FREM2: variants seen among roughly 807,000 people sequenced by gnomAD.
The protein encoded by FREM2 is FRAS1 related extracellular matrix 2, also known as FRAS1-related extracellular matrix protein 2.
FREM2 carries 119 observed loss-of-function variants against 219.9 expected under a neutral mutation model. The observed-to-expected ratio is 0.54, with a 90% CI of 0.47 to 0.63. The LOEUF (loss-of-function observed/expected upper bound fraction) is 0.63. Ranked by LOEUF, FREM2 falls within the 30% of genes least tolerant of loss-of-function variation. The probability of loss-of-function intolerance (pLI) is 0.00; values close to 1 mark genes in which losing one functional copy is unlikely to be tolerated. For missense variants in FREM2, 4,030 were observed against 3,993.6 expected, an observed-to-expected ratio of 1.01 and a Z score of -0.25; for synonymous variants, 1,562 against 1,522.8, an observed-to-expected ratio of 1.03 and a Z score of -0.60.
At position 38,688,068 on chromosome 13, in the gene FREM2, G is replaced by C. The variant is rs772999478; in HGVS notation, c.724G>C (p.Gly242Arg). Residue 242 changes from glycine (G) to arginine (R), a missense_variant, in exon 1 of 24, where the codon GGA (glycine) becomes CGA (arginine). Physicochemically the swap from Gly to Arg is moderately radical, Grantham distance 125 (BLOSUM62 -2). Around this residue, in one of 2 missense-constraint regions of FREM2, gnomAD observed 3,102 missense variants for 2,950.7 expected, o/e 1.05. Transcript: ENST00000280481. ...ELLHYPQVPGGAREGGAPETL... is the reference protein window; with the variant it reads ...ELLHYPQVPGRAREGGAPETL... ...CCTCCACTACCCGCAGGTCCCTGGAGGAGCCAGAGAGGGAGGCGCCCCGGA... is the reference window on the plus strand; with the variant it reads ...CCTCCACTACCCGCAGGTCCCTGGACGAGCCAGAGAGGGAGGCGCCCCGGA... 1 of 1,609,118 alleles carries C rather than the reference G, an allele frequency of 6.2e-7. No individual in the cohort carries two copies. Among genetic ancestry groups the C allele is most frequent in the Non-Finnish European group, 8.5e-7 (1 of 1,176,174 alleles).
chr13:38,876,489 AT>A, intron 20 of FREM2, 107 bp downstream of exon 20: 1 of 946,824 alleles, frequency 1.1e-6, no homozygotes, highest in Non-Finnish European at 1.6e-6. Context: ...TAATTCTTGC[AT>A]GCTGAAAAGA....
chr13:38,717,038 GA>G (rs1228447784), intron 2 of FREM2, among the ~76,000 whole-genome samples: 1 of 152,202 alleles, frequency 6.6e-6, no homozygotes, highest in African/African-American at 2.4e-5. Flanking sequence ...GACTAACCGT[GA>G]AGCAGAAACT....
intron 3 of FREM2, among the ~76,000 whole-genome samples, chr13:38,765,146 G>A (rs927842460): frequency 6.6e-6 from 1 of 152,218 alleles, no homozygotes; most frequent in South Asian, 2.1e-4. Context: ...TCCTGACCTC[G>A]TAATCTGCCC....
Position 38,813,101 on chromosome 13 carries a change from A to G in FREM2, c.6019+28293A>G, listed in dbSNP as rs9603436. On this transcript the variant is annotated intron_variant, in intron 6 of 23. Coordinates refer to ENST00000280481, the MANE Select transcript of FREM2 (RefSeq NM_207361.6). The stretch of plus-strand genomic sequence containing the variant: ...CTTGAGAGAAGTTTATAACACCACA[A>G]TTACAGTGTTATACTATTCTGTGTT... Among the ~76,000 whole-genome samples the G allele has an allele frequency of 5.2e-3, 790 of 152,116 alleles. 3 individuals carry two copies. The highest frequency in any genetic ancestry group is 0.018 in the African/African-American group (754 of 41,512).
At position 38,880,485 on chromosome 13, in the gene FREM2, A is replaced by C. The variant is rs746963519; in HGVS notation, c.9208A>C (p.Ser3070Arg). The C allele has an allele frequency of 6.2e-7, 1 of 1,614,128 alleles. No homozygotes were observed. The highest frequency in any genetic ancestry group is 1.7e-5 in the Admixed American group (1 of 60,018). The change falls in exon 24 of 24, where the codon AGT becomes CGT. Residue 3070 changes from serine (S) to arginine (R), a missense_variant. Physicochemically the swap from Ser to Arg is moderately radical, Grantham distance 110. Transcript: ENST00000280481. Reference protein sequence around the residue: ...SLAWEIGAENSRGTNIQHIAL... With the variant: ...SLAWEIGAENRRGTNIQHIAL... ...GGCATGGGAGATTGGTGCTGAAAAC[A>C]GTCGAGGAACAAACATCCAGCACAT... is the stretch of plus-strand genomic sequence containing the variant.
At chr13:38,705,090 T>C (rs1180537848) in intron 2 of FREM2, among the ~76,000 whole-genome samples, 1 of 152,136 alleles carries the variant, frequency 6.6e-6, no homozygotes, top group Non-Finnish European at 1.5e-5. Flanking sequence ...TGTGTTCCAA[T>C]TTGTGTTTTA....
rs763968552 is a variant in FREM2, at chr13:38,690,294, C to T, written c.2950C>T (p.Leu984Phe). 1.2e-6 allele frequency: 2 copies of T among 1,614,074 alleles called. No homozygotes were observed. The highest frequency in any genetic ancestry group is 1.7e-6 in the Non-Finnish European group (2 of 1,180,040). The change falls in exon 1 of 24, where the codon CTC (leucine) becomes TTC (phenylalanine). Residue 984 changes from leucine to phenylalanine, a missense_variant. This residue lies in a region of FREM2 where 3,102 missense variants were observed against 2,950.7 expected (regional missense o/e 1.05). Coordinates refer to ENST00000280481, the MANE Select transcript of FREM2 (RefSeq NM_207361.6). ...AACTGATGACTTGATGTTGACTTTC[C>T]TCTTGGAAGATCCACCTTTGTATGG... ...EETDDLMLTF[L>F]LEDPPLYGEI... is the part of the protein sequence containing the mutation.
intron 16 of FREM2, among the ~76,000 whole-genome samples, chr13:38,870,683 A>C (rs916112472): frequency 1.3e-5 from 2 of 152,164 alleles, no homozygotes; most frequent in Non-Finnish European, 2.9e-5. Context: ...GGGTACTAAG[A>C]AAATGCAATG....
chr13:38,811,957 T>G (rs1402004939), intron 6 of FREM2, among the ~76,000 whole-genome samples: 1 of 152,170 alleles, frequency 6.6e-6, no homozygotes, highest in Admixed American at 6.6e-5. Context: ...AATGCTTACT[T>G]TATATATCTG....
At chr13:38,866,607 T>C (rs1182966497) in intron 16 of FREM2, among the ~76,000 whole-genome samples, 2 of 144,586 alleles carry the variant, frequency 1.4e-5, no homozygotes, top group African/African-American at 5.2e-5. Context: ...GCGGAGGTTG[T>C]GGTGAGCCGA....
intron 2 of FREM2, among the ~76,000 whole-genome samples, chr13:38,743,912 T>C (rs957401017): frequency 6.6e-6 from 1 of 152,168 alleles, no homozygotes; most frequent in Non-Finnish European, 1.5e-5. Flanking sequence ...ATGTATACAT[T>C]ATATATATGT....
intron 6 of FREM2, among the ~76,000 whole-genome samples, chr13:38,791,677 T>C (rs1874567913): frequency 6.6e-6 from 1 of 152,142 alleles, no homozygotes; most frequent in African/African-American, 2.4e-5. Context: ...ATAGGGGAAC[T>C]GCCCCCATGA....
intron 18 of FREM2, 48 bp downstream of exon 18, chr13:38,874,634 T>C (rs1593458264): frequency 1.4e-6 from 2 of 1,453,754 alleles, no homozygotes; most frequent in African/African-American, 2.8e-5. Flanking sequence ...AAAAAGGAGG[T>C]AGATTTTCCA....
Position 38,764,439 on chromosome 13 carries a change from C to A in FREM2, c.5399C>A (p.Thr1800Asn), listed in dbSNP as rs780363263. The A allele has an allele frequency of 1.9e-6, 3 of 1,552,570 alleles. No homozygotes were observed. Among genetic ancestry groups the A allele is most frequent in the Non-Finnish European group, 2.6e-6 (3 of 1,137,178 alleles). ...VLKRRGYLGE[T>N]SFISIGTRDR... Reference sequence around the variant, plus strand: ...AAACGTAGAGGTTACTTGGGAGAAACTTCTTTTATAAGTAAGTTTAATTTT... The same window carrying A: ...AAACGTAGAGGTTACTTGGGAGAAAATTCTTTTATAAGTAAGTTTAATTTT... Residue 1800 changes from threonine (T) to asparagine (N), a missense_variant, in exon 3 of 24, where the codon ACT becomes AAT. By Grantham distance (65) the Thr-to-Asn change is moderately conservative. Around this residue, in one of 2 missense-constraint regions of FREM2, gnomAD observed 3,102 missense variants for 2,950.7 expected, o/e 1.05. Coordinates refer to ENST00000280481, the MANE Select transcript of FREM2 (RefSeq NM_207361.6).
At chr13:38,815,886 C>T (rs1262328494) in intron 6 of FREM2, among the ~76,000 whole-genome samples, 1 of 152,154 alleles carries the variant, frequency 6.6e-6, no homozygotes, top group African/African-American at 2.4e-5. Context: ...GTACCCATAA[C>T]CCAAACACTT....
At chr13:38,790,207 G>C (rs1216799601) in intron 6 of FREM2, among the ~76,000 whole-genome samples, 2 of 152,020 alleles carry the variant, frequency 1.3e-5, no homozygotes, top group Non-Finnish European at 2.9e-5. Context: ...TAAGAGGATG[G>C]GTTTTTATTC....
chr13:38,723,497 A>G (rs922644205), intron 2 of FREM2, among the ~76,000 whole-genome samples: 5 of 152,186 alleles, frequency 3.3e-5, no homozygotes, highest in Admixed American at 6.5e-5. Context: ...TGGATGGGAA[A>G]AAAGACCTTC....
At chr13:38,838,936 C>G (rs140998149) in intron 6 of FREM2, among the ~76,000 whole-genome samples, 1 of 152,060 alleles carries the variant, frequency 6.6e-6, no homozygotes, top group Admixed American at 6.6e-5. Flanking sequence ...TTTGTTATTA[C>G]CCACCTTCTG....
chr13:38,843,724 A>G (rs974431871), intron 6 of FREM2, among the ~76,000 whole-genome samples: 4 of 152,168 alleles, frequency 2.6e-5, no homozygotes, highest in African/African-American at 9.6e-5. Context: ...AGTGGTAATG[A>G]TTATAAACAA....
Sources: allele counts gnomAD v4.1 joint callset (sites outside exome capture counted in the v4.1 genomes callset), GRCh38; gene constraint gnomAD v4.1.1; regional missense constraint gnomAD v4.1.1; transcripts MANE v1.5; gene names NCBI Gene and HGNC (gene_info 2026-07-23, HGNC 2026-07-21).